The following MYRIP variants were observed in gnomAD, a reference collection of about 807,000 sequenced individuals.
The protein encoded by MYRIP is myosin VIIA and Rab interacting protein.
Under a neutral mutation model 98.0 loss-of-function variants are expected in MYRIP, and 49 were observed. The ratio of observed to expected loss-of-function variants is 0.50; its 90% confidence interval spans 0.40 to 0.63. The LOEUF (loss-of-function observed/expected upper bound fraction) is 0.63. MYRIP is among the 30% of genes least tolerant of loss of function. MYRIP has a pLI of 0.00. For missense variants in MYRIP, 1,004 were observed against 1,058.2 expected (o/e 0.95, Z 0.71); for synonymous variants, 404 against 409.5 (o/e 0.99, Z 0.16).
chr3:39,859,614 T>A (rs1942405363), intron 1 of MYRIP, among the ~76,000 whole-genome samples: 1 of 152,148 alleles, frequency 6.6e-6, no homozygotes, highest in Admixed American at 6.5e-5. Context: ...GATGTAAAAA[T>A]TCTTAACAAA....
At chr3:39,876,978 C>A (rs953609808) in intron 1 of MYRIP, among the ~76,000 whole-genome samples, 4 of 152,208 alleles carry the variant, frequency 2.6e-5, no homozygotes, top group African/African-American at 7.2e-5. Context: ...TTCAGGTACA[C>A]CAATCAGACA....
chr3:40,152,527 G>C (rs1950143377), intron 4 of MYRIP, among the ~76,000 whole-genome samples: 1 of 152,228 alleles, frequency 6.6e-6, no homozygotes, highest in Non-Finnish European at 1.5e-5. Context: ...AAGTGGGCTA[G>C]TGCAGGGCTT....
At position 40,251,329 on chromosome 3, in the gene MYRIP, A is replaced by G. The variant is rs149309306; in HGVS notation, c.2429-552A>G. On this transcript the variant is annotated intron_variant, in intron 15 of 16. Coordinates refer to ENST00000302541, the MANE Select transcript of MYRIP (RefSeq NM_015460.4). ...ATTTATCACAGATTCACAGTCCTTT[A>G]TTTGAAACCCTTGGGTCCCTATGTG... Among the ~76,000 whole-genome samples the G allele has an allele frequency of 2.6e-5, 4 of 152,356 alleles. No individual in the cohort carries two copies. In the East Asian group the frequency reaches 5.8e-4, roughly 22 times the overall value.
chr3:40,152,377 C>G (rs1373830753), intron 4 of MYRIP, among the ~76,000 whole-genome samples: 1 of 152,096 alleles, frequency 6.6e-6, no homozygotes, highest in Non-Finnish European at 1.5e-5. Flanking sequence ...AAATTCAGAT[C>G]TCGTAGGTGT....
At chr3:40,068,017 T>C (rs1948157519) in intron 3 of MYRIP, among the ~76,000 whole-genome samples, 1 of 152,242 alleles carries the variant, frequency 6.6e-6, no homozygotes, top group Admixed American at 6.5e-5. Context: ...TGATATTGTA[T>C]CAATGTATTA....
intron 9 of MYRIP, 33 bp from the exon 10 acceptor site, chr3:40,189,793 C>T: frequency 1.3e-6 from 2 of 1,559,166 alleles, no homozygotes; most frequent in Non-Finnish European, 1.7e-6. Flanking sequence ...GATAACAGCC[C>T]CTCTCTGCTT....
At chr3:40,206,639 AGT>A (rs1421840884) in intron 10 of MYRIP, among the ~76,000 whole-genome samples, 1 of 152,100 alleles carries the variant, frequency 6.6e-6, no homozygotes, top group Non-Finnish European at 1.5e-5. Flanking sequence ...TCTGTTCCCC[AGT>A]GTGTTACAAT....
intron 5 of MYRIP, among the ~76,000 whole-genome samples, chr3:40,165,988 T>G (rs1950491962): frequency 2.6e-5 from 4 of 152,172 alleles, no homozygotes; most frequent in Admixed American, 2.6e-4. Flanking sequence ...ACTCTGTGCT[T>G]CAAATTTACC....
At chr3:39,911,089 T>A (rs1024419218) in intron 2 of MYRIP, among the ~76,000 whole-genome samples, 2 of 152,234 alleles carry the variant, frequency 1.3e-5, no homozygotes, top group Admixed American at 6.5e-5. Context: ...CAGGACAGAA[T>A]GAACCCTTTC....
chr3:40,250,395 T>A, intron 14 of MYRIP, 44 bp from the exon 15 acceptor site: 1 of 1,613,590 alleles, frequency 6.2e-7, no homozygotes, highest in Non-Finnish European at 8.5e-7. Context: ...ACAAAATATC[T>A]TTGGCTCTGC....
intron 3 of MYRIP, among the ~76,000 whole-genome samples, chr3:40,110,306 C>G (rs928962380): frequency 1.3e-5 from 2 of 152,134 alleles, no homozygotes; most frequent in Non-Finnish European, 2.9e-5. Flanking sequence ...TTTTTATGAA[C>G]ATAATAAAAA....
intron 10 of MYRIP, among the ~76,000 whole-genome samples, chr3:40,197,241 T>C (rs1239342770): frequency 6.6e-6 from 1 of 152,120 alleles, no homozygotes; most frequent in Non-Finnish European, 1.5e-5. Flanking sequence ...GGGTTCGCGC[T>C]ACTCTGAGAA....
intron 3 of MYRIP, among the ~76,000 whole-genome samples, chr3:40,062,064 T>A (rs1435410342): frequency 6.6e-6 from 1 of 152,222 alleles, no homozygotes; most frequent in East Asian, 1.9e-4. Context: ...TTTACTCTGA[T>A]AGTTTCTTTT....
At chr3:40,108,749 A>C (rs916534635) in intron 3 of MYRIP, among the ~76,000 whole-genome samples, 7 of 152,206 alleles carry the variant, frequency 4.6e-5, no homozygotes, top group East Asian at 1.9e-4. Context: ...GGAAGTGCAG[A>C]AGCTAAAGTT....
At chr3:40,212,271 T>TAG (rs200491296) in intron 11 of MYRIP, among the ~76,000 whole-genome samples, 1,676 of 131,520 alleles carry the variant, frequency 0.013, 90 homozygotes, top group Middle Eastern at 0.019. Context: ...CGTATATATA[T>TAG]AGAGAGAGAG....
chr3:40,196,391 C>A (rs1397810574), intron 10 of MYRIP, among the ~76,000 whole-genome samples: 1 of 152,050 alleles, frequency 6.6e-6, no homozygotes, highest in Non-Finnish European at 1.5e-5. Flanking sequence ...TGTTTCCACC[C>A]CACTAGCCTT....
At chr3:40,002,827 A>G (rs892180446) in intron 2 of MYRIP, among the ~76,000 whole-genome samples, 6 of 152,106 alleles carry the variant, frequency 3.9e-5, no homozygotes, top group South Asian at 2.1e-4. Flanking sequence ...GTTTTAGTAT[A>G]TGTATATATA....
At chr3:40,013,223 C>T (rs1220420346) in intron 2 of MYRIP, among the ~76,000 whole-genome samples, 3 of 152,154 alleles carry the variant, frequency 2.0e-5, no homozygotes, top group Non-Finnish European at 2.9e-5. Flanking sequence ...GAGCGAATCA[C>T]GTTTTTGCAC....
At chr3:40,114,537 G>A (rs1189939728) in intron 3 of MYRIP, among the ~76,000 whole-genome samples, 1 of 152,182 alleles carries the variant, frequency 6.6e-6, no homozygotes, top group Non-Finnish European at 1.5e-5. Flanking sequence ...ATATGGGCTA[G>A]CATGTTTGTC....
Sources: gnomAD v4.1 joint callset for allele counts (sites outside exome capture counted in the v4.1 genomes callset) on GRCh38, gnomAD v4.1.1 for gene constraint, MANE v1.5 for transcripts, NCBI Gene and HGNC (gene_info 2026-07-23, HGNC 2026-07-21) for gene names.